ILRUN: variants seen among roughly 807,000 people sequenced by gnomAD.
The protein encoded by ILRUN is inflammation and lipid regulator with UBA-like and NBR1-like domains.
Under a neutral mutation model 33.8 loss-of-function variants are expected in ILRUN, and 3 were observed. The ratio of observed to expected loss-of-function variants is 0.09; its 90% CI spans 0.04 to 0.23. The LOEUF is 0.23. ILRUN is among the 10% of genes least tolerant of loss of function. The probability of loss-of-function intolerance (pLI) is 1.00; values close to 1 mark genes in which losing one functional copy is unlikely to be tolerated. For missense variants in ILRUN, 210 were observed against 375.1 expected, an observed-to-expected ratio of 0.56 and a Z score of 3.64; for synonymous variants, 124 against 138.9, an observed-to-expected ratio of 0.89 and a Z score of 0.75.
intron 1 of ILRUN, among the ~76,000 whole-genome samples, chr6:34,679,048 T>C (rs147042187): frequency 6.6e-6 from 1 of 151,742 alleles, no homozygotes; most frequent in East Asian, 1.9e-4. Flanking sequence ...ACTATGCTTA[T>C]TACCTTGGCG....
At chr6:34,616,402 G>T in intron 3 of ILRUN, 1 of 500,084 alleles carries the variant, frequency 2.0e-6, no homozygotes. Context: ...TAAGCTACAG[G>T]CTCATATTTC....
intron 2 of ILRUN, among the ~76,000 whole-genome samples, chr6:34,651,855 C>T (rs1762678869): frequency 6.9e-6 from 1 of 144,444 alleles, no homozygotes. Flanking sequence ...TGCAGCGGCG[C>T]GATCTTGGCT....
At chr6:34,686,405 C>G (rs1190948209) in intron 1 of ILRUN, among the ~76,000 whole-genome samples, 1 of 144,594 alleles carries the variant, frequency 6.9e-6, no homozygotes, top group East Asian at 2.0e-4. Flanking sequence ...GAGGCTGAGG[C>G]AGGAGAATGG....
At chr6:34,683,420 A>G (rs1219071491) in intron 1 of ILRUN, among the ~76,000 whole-genome samples, 1 of 99,600 alleles carries the variant, frequency 1.0e-5, no homozygotes, top group Non-Finnish European at 2.0e-5. Context: ...ATATATATAC[A>G]TATATATACA....
chr6:34,588,211 G>A lies in ILRUN; in HGVS notation c.*2354C>T, dbSNP rs1582023783. ...CATCTCGCCTCCAAGGATGTGCACA[G>A]AAATGGTTTGTTCTTGGGAAGGGAG... On this transcript the variant is annotated 3_prime_UTR_variant, in exon 5 of 5. Coordinates refer to ENST00000374023, the MANE Select transcript of ILRUN (RefSeq NM_024294.4). 1 of 398,762 alleles carries A rather than the reference G, an allele frequency of 2.5e-6. No individual in the cohort carries two copies. The highest frequency in any genetic ancestry group is 4.4e-6 in the Non-Finnish European group (1 of 226,122). 24.7% of individuals were successfully genotyped at this position (398,762 alleles called of 1,614,324 possible). A position where few individuals can be genotyped will look rare whatever the true frequency, so the allele number is the denominator to read the frequency against.
rs1334423250 is a variant in ILRUN, at chr6:34,589,398, G to A, written c.*1167C>T. On this transcript the variant is annotated 3_prime_UTR_variant, in exon 5 of 5. Coordinates refer to ENST00000374023, the MANE Select transcript of ILRUN (RefSeq NM_024294.4). ...TAAATGTGGTCTCCAAGATCAAGTA[G>A]TCAGTGGCTGGCCCTTCCCCATGAC... is the stretch of plus-strand genomic sequence containing the variant. 1 of 152,314 alleles carries A rather than the reference G, an allele frequency of 6.6e-6. No individual in the cohort carries two copies. The highest frequency in any genetic ancestry group is 1.5e-5 in the Non-Finnish European group (1 of 68,090). 9.4% of individuals were successfully genotyped at this position (152,314 alleles called of 1,614,324 possible).
intron 4 of ILRUN, among the ~76,000 whole-genome samples, chr6:34,591,149 C>T (rs1220737458): frequency 6.6e-6 from 1 of 152,122 alleles, no homozygotes; most frequent in Non-Finnish European, 1.5e-5. Flanking sequence ...ATTATAACAC[C>T]TATTTCACTG....
chr6:34,689,457 T>TA, intron 1 of ILRUN, among the ~76,000 whole-genome samples: 1 of 152,294 alleles, frequency 6.6e-6, no homozygotes, highest in South Asian at 2.1e-4. Flanking sequence ...AAAAACCTTT[T>TA]AAAAAATGTA....
At position 34,605,377 on chromosome 6, in the gene ILRUN, C is replaced by T. The variant is rs1761607861; in HGVS notation, c.861+1178G>A. ...GCGTGGTGGTTCACACCTGTAATCCCAGCACTTCGGGAGGCCAAGGCAGGA... is the reference window on the plus strand; with the variant it reads ...GCGTGGTGGTTCACACCTGTAATCCTAGCACTTCGGGAGGCCAAGGCAGGA... On this transcript the variant is annotated intron_variant, in intron 4 of 4. Transcript: ENST00000374023. 4.6e-5 allele frequency among the ~76,000 whole-genome samples: 7 copies of T among 150,626 alleles called. No homozygotes were observed. In the South Asian group the frequency reaches 1.5e-3, roughly 32 times the overall value.
chr6:34,696,496 G>A lies in ILRUN; in HGVS notation c.108C>T (p.Gly36=). The change falls in exon 1 of 5, where the codon GGC becomes GGT. Residue 36 remains glycine, a synonymous_variant. Coordinates refer to ENST00000374023, the MANE Select transcript of ILRUN (RefSeq NM_024294.4). ...CGCAACCGGCAGGATTGAGCTGGAA[G>A]CCGAGCAGCCTCTGGAACTCGGAGA... The part of the protein sequence containing the change: ...VLISEFQRLL[G]FQLNPAGCAF... 18 of 1,611,830 alleles carry A rather than the reference G, an allele frequency of 1.1e-5. No individual in the cohort carries two copies. Among genetic ancestry groups the A allele is most frequent in the Non-Finnish European group, 1.5e-5 (18 of 1,179,308 alleles).
intron 3 of ILRUN, among the ~76,000 whole-genome samples, chr6:34,628,574 C>T (rs1051122654): frequency 6.6e-5 from 10 of 152,134 alleles, no homozygotes; most frequent in South Asian, 2.1e-4. Context: ...CCTCATGATC[C>T]GCCCGCCTCG....
At chr6:34,665,875 C>T (rs1315631805) in intron 1 of ILRUN, among the ~76,000 whole-genome samples, 1 of 151,104 alleles carries the variant, frequency 6.6e-6, no homozygotes, top group African/African-American at 2.4e-5. Flanking sequence ...AAATACTTTA[C>T]AATTGTCTAA....
intron 3 of ILRUN, among the ~76,000 whole-genome samples, chr6:34,637,864 C>CTGCTGCTGT (rs749114775): frequency 0.012 from 1,774 of 141,980 alleles, 27 homozygotes; most frequent in African/African-American, 0.029. Flanking sequence ...GCTGCTGCTG[C>CTGCTGCTGT]TGTTGTTGTT....
At chr6:34,591,795 G>A (rs1431048415) in intron 4 of ILRUN, among the ~76,000 whole-genome samples, 1 of 152,100 alleles carries the variant, frequency 6.6e-6, no homozygotes, top group Non-Finnish European at 1.5e-5. Flanking sequence ...GGCCAATCCT[G>A]TCTCAAGCTT....
chr6:34,597,896 C>T (rs898333055), intron 4 of ILRUN, among the ~76,000 whole-genome samples: 25 of 152,192 alleles, frequency 1.6e-4, no homozygotes, highest in Non-Finnish European at 3.5e-4. Context: ...CTTCTTCCCT[C>T]CAATTCAGTT....
chr6:34,683,469 T>TAC lies in ILRUN; in HGVS notation c.158+12976_158+12977insGT, dbSNP rs1562033039. On this transcript the variant is annotated intron_variant, in intron 1 of 4. Coordinates refer to ENST00000374023, the MANE Select transcript of ILRUN (RefSeq NM_024294.4). ...ATATATATACATATATATACATATA[T>TAC]ATACACATATATATATACATATATA... is the stretch of plus-strand genomic sequence containing the variant. Among the ~76,000 whole-genome samples the TAC allele has an allele frequency of 5.1e-5, 5 of 97,688 alleles. 1 individual carries two copies. The highest frequency in any genetic ancestry group is 2.7e-4 in the African/African-American group (4 of 15,074). The allele number at this position is 97,688 out of a possible 152,430, so 64.1% of individuals were successfully genotyped here. A position where few individuals can be genotyped will look rare whatever the true frequency, so the allele number is the denominator to read the frequency against.
chr6:34,617,072 A>G, intron 3 of ILRUN: 2 of 532,584 alleles, frequency 3.8e-6, no homozygotes, highest in South Asian at 1.4e-5. Context: ...CATCACCTGC[A>G]TGGAGGATCT....
At chr6:34,642,041 TG>T (rs1356254498) in intron 3 of ILRUN, among the ~76,000 whole-genome samples, 1 of 152,230 alleles carries the variant, frequency 6.6e-6, no homozygotes, top group East Asian at 1.9e-4. Flanking sequence ...CTATGAATTT[TG>T]CTAAAACTGA....
intron 3 of ILRUN, 142 bp from the exon 4 acceptor site, chr6:34,607,046 G>C (rs761704340): frequency 6.0e-6 from 4 of 667,740 alleles, no homozygotes; most frequent in Non-Finnish European, 1.0e-5. Flanking sequence ...TGCTAACAAA[G>C]CTGCCTGGTA....
Sources: gnomAD v4.1 joint callset for allele counts (sites outside exome capture counted in the v4.1 genomes callset) on GRCh38, gnomAD v4.1.1 for gene constraint, MANE v1.5 for transcripts, NCBI Gene and HGNC (gene_info 2026-07-23, HGNC 2026-07-21) for gene names.